PCDH7: variants seen among roughly 807,000 people sequenced by gnomAD.
PCDH7 encodes the protein protocadherin-7.
A neutral mutation model predicts 58.9 loss-of-function variants in PCDH7; 17 were observed. That is an observed-to-expected ratio of 0.29 (90% confidence interval 0.20 to 0.43). The LOEUF is 0.43. Ranked by LOEUF, PCDH7 falls within the 20% of genes least tolerant of loss-of-function variation. The pLI is 1.00. For synonymous variants in PCDH7, 664 were observed against 616.4 expected, an observed-to-expected ratio of 1.08 and a Z score of -1.14; for missense variants, 1,274 against 1,441.0, an observed-to-expected ratio of 0.88 and a Z score of 1.88.
intron 3 of PCDH7, among the ~76,000 whole-genome samples, chr4:31,077,057 G>A (rs574160031): frequency 6.6e-6 from 1 of 152,096 alleles, no homozygotes; most frequent in Non-Finnish European, 1.5e-5. Context: ...GATTGGAAAT[G>A]TTATCATATA....
intron 1 of PCDH7, among the ~76,000 whole-genome samples, chr4:30,881,551 T>G (rs574154921): frequency 1.7e-4 from 26 of 152,296 alleles, no homozygotes; most frequent in Non-Finnish European, 2.9e-4. Context: ...TGCTGAGTTC[T>G]AGTTGTCTTT....
At chr4:30,901,806 T>C (rs796695729) in intron 1 of PCDH7, among the ~76,000 whole-genome samples, 4 of 152,196 alleles carry the variant, frequency 2.6e-5, no homozygotes, top group African/African-American at 7.2e-5. Flanking sequence ...CTTGTATAGT[T>C]CAAGTTCTAC....
intron 3 of PCDH7, among the ~76,000 whole-genome samples, chr4:30,969,327 C>G (rs113646578): frequency 6.6e-6 from 1 of 151,946 alleles, no homozygotes. Context: ...TGGCAAATTT[C>G]TTGATAAGAA....
intron 3 of PCDH7, among the ~76,000 whole-genome samples, chr4:31,019,097 G>T (rs75309958): frequency 1.8e-3 from 278 of 152,132 alleles, no homozygotes; most frequent in African/African-American, 6.3e-3. Context: ...TTTGAGGATT[G>T]ATCCTAAGAA....
intron 1 of PCDH7, among the ~76,000 whole-genome samples, chr4:30,821,047 G>A (rs914549063): frequency 1.3e-5 from 2 of 152,072 alleles, no homozygotes; most frequent in African/African-American, 4.8e-5. Flanking sequence ...AATGTCAGTC[G>A]CTTGTGCTAA....
At chr4:30,989,174 AGATTATTT>A (rs1020856782) in intron 3 of PCDH7, among the ~76,000 whole-genome samples, 3 of 152,040 alleles carry the variant, frequency 2.0e-5, no homozygotes, top group Non-Finnish European at 4.4e-5. Flanking sequence ...CTTGTTTCTT[AGATTATTT>A]GATTTATTTG....
chr4:31,123,876 C>A (rs1176706550), intron 3 of PCDH7, among the ~76,000 whole-genome samples: 1 of 152,016 alleles, frequency 6.6e-6, no homozygotes, highest in Non-Finnish European at 1.5e-5. Flanking sequence ...CCTCTCCAAC[C>A]GTCCCCAGCC....
chr4:31,044,082 C>T (rs537628758), intron 3 of PCDH7, among the ~76,000 whole-genome samples: 2 of 152,182 alleles, frequency 1.3e-5, no homozygotes, highest in South Asian at 4.1e-4. Context: ...GGGACAACTT[C>T]TGTTTATTTA....
intron 1 of PCDH7, among the ~76,000 whole-genome samples, chr4:30,768,141 C>T (rs954002700): frequency 3.9e-5 from 6 of 152,160 alleles, no homozygotes; most frequent in African/African-American, 1.2e-4. Flanking sequence ...AAATGTATAG[C>T]TGCCATTACA....
intron 3 of PCDH7, among the ~76,000 whole-genome samples, chr4:30,976,720 C>T (rs1042211770): frequency 5.9e-5 from 9 of 151,996 alleles, no homozygotes. Context: ...TAAAGAAAAG[C>T]GAGTAAACAC....
intron 1 of PCDH7, among the ~76,000 whole-genome samples, chr4:30,780,143 G>C (rs543484806): frequency 2.1e-4 from 32 of 152,278 alleles, no homozygotes; most frequent in African/African-American, 6.7e-4. Flanking sequence ...CTTATATAGT[G>C]CATAGTGGTA....
intron 3 of PCDH7, among the ~76,000 whole-genome samples, chr4:31,120,441 C>CTTTTTTTTT (rs138878762): frequency 5.6e-5 from 6 of 107,982 alleles, no homozygotes; most frequent in Admixed American, 1.9e-4. Flanking sequence ...CTATTTTTTT[C>CTTTTTTTTT]TTTTTTTTTT....
At chr4:31,056,464 A>AGAAAAAGAAAGAAG (rs1757207929) in intron 3 of PCDH7, among the ~76,000 whole-genome samples, 4 of 119,932 alleles carry the variant, frequency 3.3e-5, no homozygotes, top group African/African-American at 1.2e-4. Context: ...GAAAGAAGAA[A>AGAAAAAGAAAGAAG]GAAAGAAAGA....
intron 2 of PCDH7, 50 bp downstream of exon 2, chr4:30,920,419 A>G (rs1204425385): frequency 7.8e-7 from 1 of 1,286,212 alleles, no homozygotes; most frequent in Non-Finnish European, 1.0e-6. Context: ...GTGAGCCGTA[A>G]TAAGTAGACT....
chr4:30,887,368 G>C (rs1578174748), intron 1 of PCDH7, among the ~76,000 whole-genome samples: 1 of 152,066 alleles, frequency 6.6e-6, no homozygotes, highest in African/African-American at 2.4e-5. Context: ...TATCTCTTCT[G>C]TATTATACTG....
At chr4:31,125,877 C>T (rs1412666308) in intron 3 of PCDH7, among the ~76,000 whole-genome samples, 2 of 152,118 alleles carry the variant, frequency 1.3e-5, no homozygotes, top group Non-Finnish European at 2.9e-5. Context: ...TTTATTGAGC[C>T]ATAACCTCAT....
chr4:30,781,698 G>A (rs139305806), intron 1 of PCDH7, among the ~76,000 whole-genome samples: 2 of 151,810 alleles, frequency 1.3e-5, no homozygotes, highest in African/African-American at 4.8e-5. Context: ...CACCATGCCC[G>A]GCTAATTTTG....
In PCDH7 at chr4:30,849,636, C is replaced by T. The variant is rs562674967; in HGVS notation, c.71-70517C>T. The stretch of plus-strand genomic sequence containing the variant: ...ATTTTACCTTTTTGGGTCTCATTGT[C>T]TTTGTGTGTAAAATATAAACCTGCT... On this transcript the variant is annotated intron_variant, in intron 1 of 3. Coordinates refer to the PCDH7 transcript ENST00000509759. 1.2e-4 allele frequency among the ~76,000 whole-genome samples: 19 copies of T among 152,132 alleles called. No homozygotes were observed. The East Asian group carries it at 3.5e-3, about 28-fold the overall frequency.
chr4:31,091,645 G>C (rs1163150177), intron 3 of PCDH7, among the ~76,000 whole-genome samples: 1 of 151,778 alleles, frequency 6.6e-6, no homozygotes, highest in African/African-American at 2.4e-5. Flanking sequence ...AAATGAATTT[G>C]ATGAAAAAGA....
Sources: gnomAD v4.1 joint callset for allele counts (sites outside exome capture counted in the v4.1 genomes callset) on GRCh38, gnomAD v4.1.1 for gene constraint, MANE v1.5 for transcripts, NCBI Gene and HGNC (gene_info 2026-07-23, HGNC 2026-07-21) for gene names.